WASHC3: variants seen among roughly 807,000 people sequenced by gnomAD.
WASHC3 encodes the protein WASH complex subunit CCDC53.
Under a neutral mutation model 26.1 loss-of-function variants are expected in WASHC3, and 24 were observed. The ratio of observed to expected loss-of-function variants is 0.92; its 90% CI spans 0.66 to 1.29. The LOEUF (loss-of-function observed/expected upper bound fraction) is 1.29, where lower values mean the gene tolerates loss of function less well. Among genes scored for constraint, WASHC3 ranks in the 50% most tolerant of loss-of-function variants. The pLI is 0.00. For synonymous variants in WASHC3, 77 were observed against 75.7 expected (o/e 1.02, Z -0.09); for missense variants, 214 against 229.6 (o/e 0.93, Z 0.44).
At chr12:102,052,813 A>G (rs73382871) in intron 2 of WASHC3, among the ~76,000 whole-genome samples, 178 of 151,970 alleles carry the variant, frequency 1.2e-3, no homozygotes, top group African/African-American at 3.9e-3. Context: ...ATCCCTGTGG[A>G]CTCAAGTTCC....
At chr12:102,037,250 T>C (rs957363709) in intron 5 of WASHC3, among the ~76,000 whole-genome samples, 2 of 152,232 alleles carry the variant, frequency 1.3e-5, no homozygotes, top group African/African-American at 4.8e-5. Context: ...CAAGGTATTA[T>C]TGCAGGAATG....
At chr12:102,040,499 G>C (rs1273999045) in intron 4 of WASHC3, 1 of 151,980 alleles carries the variant, frequency 6.6e-6, no homozygotes, top group Non-Finnish European at 1.5e-5. Context: ...TGGAGAAGTT[G>C]TAAAAGAGAA....
In WASHC3 at chr12:102,018,972, A is replaced by G. The variant is rs1453241667; in HGVS notation, c.501-5780T>C. ...GCCACCACACCCAGATAATTTTTGT[A>G]TTTTTTAGTAGAGACAGGGTTTCGC... On this transcript the variant is annotated intron_variant, in intron 6 of 6. Transcript: ENST00000240079. Among the ~76,000 whole-genome samples the G allele has an allele frequency of 4.6e-5, 7 of 151,862 alleles. No individual in the cohort carries two copies. The South Asian group carries it at 8.3e-4, about 18-fold the overall frequency.
At chr12:102,019,374 A>G (rs1016922061) in intron 6 of WASHC3, 1 of 395,984 alleles carries the variant, frequency 2.5e-6, no homozygotes. Context: ...ACTTCACCCT[A>G]CAAGTTGTTT....
At chr12:102,062,053 C>G (rs1425603281), upstream of WASHC3, 10 of 1,154,984 alleles carry the variant, frequency 8.7e-6, no homozygotes, top group Admixed American at 2.2e-5. Flanking sequence ...AACTTTCCCC[C>G]CAAGTGCCCG....
At chr12:102,031,784 T>C (rs1289860406) in intron 5 of WASHC3, among the ~76,000 whole-genome samples, 1 of 152,148 alleles carries the variant, frequency 6.6e-6, no homozygotes, top group African/African-American at 2.4e-5. Context: ...ATTAATATTA[T>C]ACCTATAGTT....
chr12:102,018,042 A>G (rs1386606309), intron 6 of WASHC3, among the ~76,000 whole-genome samples: 2 of 152,204 alleles, frequency 1.3e-5, no homozygotes, highest in African/African-American at 2.4e-5. Context: ...GATGCCTCAT[A>G]CAAGTGGAAT....
intron 6 of WASHC3, among the ~76,000 whole-genome samples, chr12:102,024,131 G>C (rs972626778): frequency 1.2e-4 from 18 of 152,164 alleles, no homozygotes; most frequent in African/African-American, 4.1e-4. Context: ...CAAGTAGTTT[G>C]CTATGGCTAT....
At chr12:102,021,750 G>C (rs1051648150) in intron 6 of WASHC3, among the ~76,000 whole-genome samples, 4 of 152,130 alleles carry the variant, frequency 2.6e-5, no homozygotes, top group African/African-American at 9.7e-5. Context: ...AATCCACTAT[G>C]TTGTTGTATA....
intron 4 of WASHC3, chr12:102,040,530 T>G (rs1159329542): frequency 1.3e-5 from 2 of 152,106 alleles, no homozygotes; most frequent in African/African-American, 4.8e-5. Context: ...CAGACAAAAT[T>G]ATCTGGTTTT....
intron 2 of WASHC3, among the ~76,000 whole-genome samples, chr12:102,058,872 A>C (rs1481317797): frequency 2.0e-5 from 3 of 152,238 alleles, no homozygotes; most frequent in East Asian, 3.8e-4. Context: ...TTAGCCTTAA[A>C]AAAGAATGAA....
At chr12:102,053,144 C>G (rs990140305) in intron 2 of WASHC3, among the ~76,000 whole-genome samples, 1 of 151,856 alleles carries the variant, frequency 6.6e-6, no homozygotes, top group Admixed American at 6.6e-5. Context: ...CCCACATACT[C>G]TGGCTCCAGG....
chr12:102,020,776 G>T (rs923210131), intron 6 of WASHC3, among the ~76,000 whole-genome samples: 5 of 152,128 alleles, frequency 3.3e-5, no homozygotes, highest in African/African-American at 1.2e-4. Context: ...AGAGCTATGC[G>T]ATGGCAATAG....
intron 5 of WASHC3, among the ~76,000 whole-genome samples, chr12:102,033,094 G>A (rs1192297223): frequency 1.3e-5 from 2 of 152,064 alleles, no homozygotes; most frequent in Non-Finnish European, 2.9e-5. Context: ...GGCAAGTGAA[G>A]CAAGGCACAT....
At chr12:102,019,019 G>C (rs1036482948) in intron 6 of WASHC3, among the ~76,000 whole-genome samples, 1 of 152,010 alleles carries the variant, frequency 6.6e-6, no homozygotes, top group Admixed American at 6.5e-5. Flanking sequence ...GGCTGGTCTC[G>C]AATTCCTGAC....
At chr12:102,020,213 TCCCAGGCTTCAGAGAGGAAA>T in intron 6 of WASHC3, among the ~76,000 whole-genome samples, 1 of 152,192 alleles carries the variant, frequency 6.6e-6, no homozygotes, top group Admixed American at 6.5e-5. Flanking sequence ...GGAGCTATGT[TCCCAGGCTTCAGAGAGGAAA>T]CCCATTAGCA....
At chr12:102,025,289 G>A (rs776574659) in intron 6 of WASHC3, among the ~76,000 whole-genome samples, 32 of 151,922 alleles carry the variant, frequency 2.1e-4, no homozygotes, top group Non-Finnish European at 4.3e-4. Context: ...AATGCATTAC[G>A]ATATATTTTA....
chr12:102,028,741 T>A (rs1195416017), intron 5 of WASHC3, among the ~76,000 whole-genome samples: 2 of 151,166 alleles, frequency 1.3e-5, no homozygotes, highest in East Asian at 3.9e-4. Context: ...CTTCATGGAA[T>A]TGATTATAAG....
chr12:102,029,878 A>C (rs1877358932), intron 5 of WASHC3, among the ~76,000 whole-genome samples: 1 of 152,212 alleles, frequency 6.6e-6, no homozygotes, highest in African/African-American at 2.4e-5. Context: ...AATTTGAAAA[A>C]ACGCTACGGG....
Sources: allele counts gnomAD v4.1 joint callset (sites outside exome capture counted in the v4.1 genomes callset), GRCh38; gene constraint gnomAD v4.1.1; transcripts MANE v1.5; gene names NCBI Gene and HGNC (gene_info 2026-07-23, HGNC 2026-07-21).